The following FANCB variants were observed in gnomAD, a reference collection of about 807,000 sequenced individuals.
FANCB encodes the protein FA complementation group B.
In FANCB, 5 loss-of-function variants were observed where a neutral mutation model predicts 38.9. That is an observed-to-expected ratio of 0.13 (90% confidence interval 0.07 to 0.27). FANCB has a LOEUF of 0.27. Among genes scored for constraint, FANCB ranks in the 10% least tolerant of loss-of-function variants. FANCB has a pLI of 1.00. For missense variants in FANCB, 573 were observed against 602.7 expected (o/e 0.95, Z 0.52); for synonymous variants, 236 against 215.4 (o/e 1.10, Z -0.84).
At chrX:14,701,071 ATTGT>A in the FANCB span, among the ~76,000 whole-genome samples, 1 of 110,548 alleles carries the variant, frequency 9.0e-6, no homozygotes. Flanking sequence ...ATGGCATCTG[ATTGT>A]TTTCTGTGAC....
At chrX:14,783,311 C>G in the FANCB span, among the ~76,000 whole-genome samples, 1 of 111,797 alleles carries the variant, frequency 8.9e-6, no homozygotes, top group Admixed American at 9.5e-5. Flanking sequence ...AAGGCAGTGA[C>G]CTGGAAAGAG....
chrX:14,729,023 C>T, the FANCB span, among the ~76,000 whole-genome samples: 1 of 112,376 alleles, frequency 8.9e-6, no homozygotes, highest in Non-Finnish European at 1.9e-5. Flanking sequence ...TTTAAGTACA[C>T]AAGGTACAAA....
chrX:14,864,889 A>T lies in FANCB; in HGVS notation c.622T>A (p.Trp208Arg). ...QEPSKSDYAI[W>R]NTKFCVYSLE... ...GAATATACACAAAATTTGGTATTCCAAATTGCATAATCTGATTTTGAAGGC... is the reference window on the plus strand; with the variant it reads ...GAATATACACAAAATTTGGTATTCCTAATTGCATAATCTGATTTTGAAGGC... Residue 208 changes from tryptophan (W) to arginine (R), a missense_variant, in exon 3 of 10, where the codon TGG becomes AGG. Coordinates refer to ENST00000650831, the MANE Select transcript of FANCB (RefSeq NM_001018113.3). 2 of 1,209,507 alleles carry T rather than the reference A, an allele frequency of 1.7e-6. No individual in the cohort carries two copies. Among genetic ancestry groups the T allele is most frequent in the Non-Finnish European group, 2.2e-6 (2 of 893,246 alleles).
chrX:14,790,827 A>G, the FANCB span, among the ~76,000 whole-genome samples: 1 of 111,751 alleles, frequency 8.9e-6, no homozygotes, highest in Non-Finnish European at 1.9e-5. Context: ...ACTAAGAGAA[A>G]AGGACCAGTG....
the FANCB span, among the ~76,000 whole-genome samples, chrX:14,780,698 G>A: frequency 7.0e-3 from 772 of 110,671 alleles, 48 homozygotes; most frequent in African/African-American, 0.025. Flanking sequence ...TACAAAAGCA[G>A]CCATAGATAT....
chrX:14,785,089 G>C, the FANCB span, among the ~76,000 whole-genome samples: 7 of 111,696 alleles, frequency 6.3e-5, no homozygotes, highest in Admixed American at 6.6e-4. Context: ...TAGGTGATGG[G>C]TTGTAAGTGC....
At chrX:14,770,649 G>C in the FANCB span, among the ~76,000 whole-genome samples, 1 of 111,795 alleles carries the variant, frequency 8.9e-6, no homozygotes, top group African/African-American at 3.3e-5. Context: ...AGTTAGTATT[G>C]TTATGTATGA....
At chrX:14,840,472 T>C (rs2952101), downstream of FANCB, among the ~76,000 whole-genome samples, 49,968 of 109,703 alleles carry the variant, frequency 0.46, 8,397 homozygotes, top group East Asian at 0.82. Flanking sequence ...TTAGTCAGGA[T>C]TAACCTCTGG....
chrX:14,788,774 C>T, the FANCB span, among the ~76,000 whole-genome samples: 1 of 112,008 alleles, frequency 8.9e-6, no homozygotes. Context: ...CCACATGTGG[C>T]CAGTGGCTAC....
At chrX:14,778,210 T>A in the FANCB span, among the ~76,000 whole-genome samples, 1 of 111,864 alleles carries the variant, frequency 8.9e-6, no homozygotes, top group African/African-American at 3.2e-5. Flanking sequence ...ATTTCTTTAG[T>A]CCAGTGATTC....
downstream of FANCB, among the ~76,000 whole-genome samples, chrX:14,833,710 C>T (rs1050722564): frequency 9.2e-6 from 1 of 108,517 alleles, no homozygotes; most frequent in Non-Finnish European, 1.9e-5. Flanking sequence ...AGCTAAAATC[C>T]CAACTTTGGG....
At chrX:14,818,992 A>T in the FANCB span, among the ~76,000 whole-genome samples, 2 of 112,643 alleles carry the variant, frequency 1.8e-5, no homozygotes, top group African/African-American at 6.5e-5. Flanking sequence ...TGCATCAAAT[A>T]TCAAAAAATC....
the FANCB span, among the ~76,000 whole-genome samples, chrX:14,817,410 A>T: frequency 8.9e-6 from 1 of 111,938 alleles, no homozygotes; most frequent in Non-Finnish European, 1.9e-5. Context: ...GATTATCATT[A>T]TCAGGCTTCT....
chrX:14,815,742 T>G, the FANCB span, among the ~76,000 whole-genome samples: 1 of 112,199 alleles, frequency 8.9e-6, no homozygotes, highest in South Asian at 3.6e-4. Context: ...CTGTTCACCA[T>G]AGCAAAGATA....
the FANCB span, among the ~76,000 whole-genome samples, chrX:14,807,903 T>C: frequency 9.0e-6 from 1 of 111,204 alleles, no homozygotes; most frequent in Non-Finnish European, 1.9e-5. Flanking sequence ...AGTACAGAAA[T>C]TCAAAGGATC....
At chrX:14,763,665 G>T in the FANCB span, among the ~76,000 whole-genome samples, 2 of 111,545 alleles carry the variant, frequency 1.8e-5, no homozygotes, top group Admixed American at 1.9e-4. Flanking sequence ...TATCACGATT[G>T]TTTACACTTT....
chrX:14,769,343 C>T, the FANCB span, among the ~76,000 whole-genome samples: 3 of 111,277 alleles, frequency 2.7e-5, no homozygotes, highest in East Asian at 2.8e-4. Context: ...TTTCAGAACT[C>T]GTTATTGGTC....
the FANCB span, among the ~76,000 whole-genome samples, chrX:14,780,201 A>C: frequency 9.0e-6 from 1 of 111,168 alleles, no homozygotes; most frequent in Non-Finnish European, 1.9e-5. Context: ...TTCTAACATG[A>C]AACAGGAAAA....
chrX:14,848,868 T>C, intron 7 of FANCB, among the ~76,000 whole-genome samples: 1 of 110,894 alleles, frequency 9.0e-6, no homozygotes, highest in East Asian at 2.8e-4. Context: ...AATGCTGGTA[T>C]ATCCAGTGCA....
Sources: gnomAD v4.1 joint callset for allele counts (sites outside exome capture counted in the v4.1 genomes callset) on GRCh38, gnomAD v4.1.1 for gene constraint, MANE v1.5 for transcripts, NCBI Gene and HGNC (gene_info 2026-07-23, HGNC 2026-07-21) for gene names.